Variants in C10orf90 observed in about 807,000 individuals in gnomAD.
C10orf90 encodes chromosome 10 open reading frame 90, also known as (E2-independent) E3 ubiquitin-conjugating enzyme FATS.
Under a neutral mutation model 62.5 loss-of-function variants are expected in C10orf90, and 56 were observed. That is an observed-to-expected ratio of 0.90 (90% CI 0.72 to 1.12). The LOEUF is 1.12. Ranked by LOEUF, C10orf90 falls within the 50% of genes most tolerant of loss-of-function variation. C10orf90 has a pLI of 0.00. For missense variants in C10orf90, 970 were observed against 880.4 expected (o/e 1.10, Z -1.29); for synonymous variants, 386 against 340.4 (o/e 1.13, Z -1.47).
chr10:126,528,478 G>T (rs1050040210), intron 2 of C10orf90, among the ~76,000 whole-genome samples: 3 of 152,188 alleles, frequency 2.0e-5, no homozygotes, highest in Non-Finnish European at 4.4e-5. Context: ...AAAACTGCTA[G>T]CCTAGGCTAA....
chr10:126,512,352 G>A (rs200916986), intron 3 of C10orf90, among the ~76,000 whole-genome samples: 1 of 9,174 alleles, frequency 1.1e-4, no homozygotes, highest in Non-Finnish European at 2.2e-4. Context: ...GTGTGTGTCT[G>A]TGTGTGTGTG....
At chr10:126,572,510 T>C (rs1844527731) in intron 2 of C10orf90, among the ~76,000 whole-genome samples, 1 of 152,082 alleles carries the variant, frequency 6.6e-6, no homozygotes, top group African/African-American at 2.4e-5. Context: ...CTCCCCTTTT[T>C]AGACCATATA....
At chr10:126,636,823 G>A (rs1417427371) in intron 2 of C10orf90, among the ~76,000 whole-genome samples, 1 of 152,106 alleles carries the variant, frequency 6.6e-6, no homozygotes, top group Non-Finnish European at 1.5e-5. Context: ...TCATAACCAA[G>A]TCTATTCTCT....
chr10:126,529,318 G>A (rs1864032148), intron 2 of C10orf90, among the ~76,000 whole-genome samples: 1 of 152,246 alleles, frequency 6.6e-6, no homozygotes, highest in African/African-American at 2.4e-5. Context: ...AGGAAAGGAT[G>A]TCTTTAGAAT....
intron 2 of C10orf90, among the ~76,000 whole-genome samples, chr10:126,586,763 G>C (rs549937406): frequency 1.3e-5 from 2 of 152,222 alleles, no homozygotes; most frequent in South Asian, 4.1e-4. Flanking sequence ...TCAAAGCTTT[G>C]GTTTAATGAG....
At chr10:126,461,655 T>C in intron 5 of C10orf90, 70 bp from the exon 6 acceptor site, 1 of 1,447,296 alleles carries the variant, frequency 6.9e-7, no homozygotes, top group East Asian at 2.3e-5. Context: ...TCAATACCAT[T>C]AGACACAGAA....
intron 2 of C10orf90, among the ~76,000 whole-genome samples, chr10:126,599,038 C>T (rs1342912114): frequency 6.6e-6 from 1 of 152,156 alleles, no homozygotes; most frequent in East Asian, 1.9e-4. Flanking sequence ...GAGGATATTT[C>T]TGTTGGAGAC....
chr10:126,594,832 A>C (rs1441032443), intron 2 of C10orf90, among the ~76,000 whole-genome samples: 1 of 152,092 alleles, frequency 6.6e-6, no homozygotes, highest in African/African-American at 2.4e-5. Context: ...GCCAGCAAGT[A>C]GTGAACAGAG....
intron 1 of C10orf90, among the ~76,000 whole-genome samples, chr10:126,665,891 A>G (rs1846617595): frequency 6.6e-6 from 1 of 152,198 alleles, no homozygotes; most frequent in South Asian, 2.1e-4. Context: ...ACTGATCTGC[A>G]CCTGCCCAAG....
chr10:126,640,955 G>C (rs940372327), intron 2 of C10orf90, among the ~76,000 whole-genome samples: 4 of 152,208 alleles, frequency 2.6e-5, no homozygotes, highest in African/African-American at 4.8e-5. Flanking sequence ...TGGGCAGGGA[G>C]AAATCTATGG....
chr10:126,576,498 G>GA (rs537117852), intron 2 of C10orf90, among the ~76,000 whole-genome samples: 4 of 151,514 alleles, frequency 2.6e-5, no homozygotes, highest in Non-Finnish European at 5.9e-5. Flanking sequence ...TAACACTTCG[G>GA]AGAGCAATAT....
intron 2 of C10orf90, among the ~76,000 whole-genome samples, chr10:126,574,042 CA>C (rs1844562495): frequency 1.3e-5 from 2 of 152,030 alleles, no homozygotes; most frequent in Admixed American, 1.3e-4. Flanking sequence ...TTCTAGTAGT[CA>C]AATATTTAAA....
At chr10:126,473,820 C>G (rs1195230909) in intron 4 of C10orf90, among the ~76,000 whole-genome samples, 2 of 152,094 alleles carry the variant, frequency 1.3e-5, no homozygotes, top group African/African-American at 2.4e-5. Context: ...ACTTAGATTG[C>G]TGGGCCCACT....
intron 2 of C10orf90, among the ~76,000 whole-genome samples, chr10:126,569,152 C>T (rs771405458): frequency 1.8e-4 from 28 of 152,138 alleles, no homozygotes; most frequent in African/African-American, 2.7e-4. Flanking sequence ...ACCAAGGACA[C>T]CGCCTCTAAT....
chr10:126,455,154 G>A (rs1387629363), intron 7 of C10orf90, among the ~76,000 whole-genome samples: 3 of 152,096 alleles, frequency 2.0e-5, no homozygotes, highest in Non-Finnish European at 4.4e-5. Flanking sequence ...TCCCAGCCTT[G>A]CTTTTGACCT....
intron 2 of C10orf90, among the ~76,000 whole-genome samples, chr10:126,555,573 G>T (rs1379653891): frequency 6.6e-6 from 1 of 151,918 alleles, no homozygotes; most frequent in Non-Finnish European, 1.5e-5. Context: ...CAGCTACTCG[G>T]GAGGCTGAGG....
intron 8 of C10orf90, among the ~76,000 whole-genome samples, chr10:126,427,161 C>T (rs991326868): frequency 6.6e-6 from 1 of 152,202 alleles, no homozygotes; most frequent in African/African-American, 2.4e-5. Context: ...TAGTACAGTG[C>T]CTAGCACTCT....
intron 7 of C10orf90, among the ~76,000 whole-genome samples, chr10:126,454,883 C>A (rs1590932243): frequency 6.6e-6 from 1 of 152,232 alleles, no homozygotes; most frequent in Non-Finnish European, 1.5e-5. Flanking sequence ...GTGAATTGCA[C>A]AGGTAGAGCC....
chr10:126,432,428 C>A (rs1026173701), intron 7 of C10orf90, among the ~76,000 whole-genome samples: 1 of 152,332 alleles, frequency 6.6e-6, no homozygotes, highest in Middle Eastern at 3.4e-3. Flanking sequence ...ACAGATAAGA[C>A]CGTCCCTTCA....
Sources: gnomAD v4.1 joint callset for allele counts (sites outside exome capture counted in the v4.1 genomes callset) on GRCh38, gnomAD v4.1.1 for gene constraint, MANE v1.5 for transcripts, NCBI Gene and HGNC (gene_info 2026-07-23, HGNC 2026-07-21) for gene names.